The following PTPRD variants were observed in gnomAD, a reference collection of about 807,000 sequenced individuals.
PTPRD encodes protein tyrosine phosphatase receptor type D.
In PTPRD, 34 loss-of-function variants were observed where a neutral mutation model predicts 214.5. The ratio of observed to expected loss-of-function variants is 0.16; its 90% CI spans 0.12 to 0.21. PTPRD has a LOEUF of 0.21. Among genes scored for constraint, PTPRD ranks in the 10% least tolerant of loss-of-function variants. The probability of loss-of-function intolerance (pLI) is 1.00; values close to 1 mark genes in which losing one functional copy is unlikely to be tolerated. For synonymous variants in PTPRD, 1,128 were observed against 845.7 expected, an observed-to-expected ratio of 1.33 and a Z score of -5.79; for missense variants, 2,545 against 2,398.7, an observed-to-expected ratio of 1.06 and a Z score of -1.27.
At chr9:10,087,165 AG>A (rs2098356619) in intron 3 of PTPRD, among the ~76,000 whole-genome samples, 1 of 151,178 alleles carries the variant, frequency 6.6e-6, no homozygotes, top group South Asian at 2.1e-4. Context: ...ACTGAAAAGT[AG>A]TATGTAATAT....
At chr9:9,226,032 C>T (rs2099959243) in intron 9 of PTPRD, among the ~76,000 whole-genome samples, 1 of 152,006 alleles carries the variant, frequency 6.6e-6, no homozygotes, top group African/African-American at 2.4e-5. Flanking sequence ...GATCCTATTG[C>T]ACATAAGAAA....
At chr9:8,366,964 C>T (rs533489937) in intron 39 of PTPRD, among the ~76,000 whole-genome samples, 1 of 152,302 alleles carries the variant, frequency 6.6e-6, no homozygotes, top group Non-Finnish European at 1.5e-5. Flanking sequence ...GAGTTAAACG[C>T]CTACGGCCTG....
At chr9:8,712,758 G>A (rs1021455847) in intron 12 of PTPRD, among the ~76,000 whole-genome samples, 8 of 152,078 alleles carry the variant, frequency 5.3e-5, no homozygotes, top group Non-Finnish European at 1.0e-4. Flanking sequence ...CCTCCTTGTT[G>A]CCCAGGCTGG....
chr9:10,264,601 C>A (rs953214982), intron 3 of PTPRD, among the ~76,000 whole-genome samples: 1 of 152,122 alleles, frequency 6.6e-6, no homozygotes, highest in Non-Finnish European at 1.5e-5. Context: ...TAGGAAGTAG[C>A]TAACTTGCTT....
intron 14 of PTPRD, among the ~76,000 whole-genome samples, chr9:8,608,121 C>CTTT (rs540724494): frequency 1.4e-3 from 198 of 140,196 alleles, no homozygotes; most frequent in African/African-American, 5.1e-3. Flanking sequence ...ATTTCTAAAC[C>CTTT]TTTTTTTTTT....
chr9:9,514,686 C>G (rs1421821057), intron 8 of PTPRD, among the ~76,000 whole-genome samples: 1 of 151,958 alleles, frequency 6.6e-6, no homozygotes, highest in Non-Finnish European at 1.5e-5. Context: ...AACTGACATC[C>G]TAAGTTTAAA....
chr9:8,823,040 T>C (rs529998696), intron 11 of PTPRD, among the ~76,000 whole-genome samples: 1 of 152,168 alleles, frequency 6.6e-6, no homozygotes. Flanking sequence ...ACAGAGGATC[T>C]AGTAAGACAT....
intron 9 of PTPRD, among the ~76,000 whole-genome samples, chr9:9,211,515 GCACACACACACACA>G (rs36213005): frequency 4.1e-4 from 59 of 143,654 alleles, no homozygotes; most frequent in Middle Eastern, 3.6e-3. Flanking sequence ...GTGTGCGCAC[GCACACACACACACA>G]CACACACACA....
chr9:9,587,409 A>G (rs1250157125), intron 7 of PTPRD, among the ~76,000 whole-genome samples: 1 of 152,064 alleles, frequency 6.6e-6, no homozygotes, highest in Non-Finnish European at 1.5e-5. Context: ...CAATGAAACT[A>G]CTTGCCCATG....
Position 9,751,109 on chromosome 9 carries a change from C to T in PTPRD, c.-326+15701G>A, listed in dbSNP as rs145490243. On this transcript the variant is annotated intron_variant, in intron 6 of 45. Coordinates refer to ENST00000381196, the MANE Select transcript of PTPRD (RefSeq NM_002839.4). ...GATTCTAAACATGCACACTCTTATC[C>T]ACACAATAAAACAAACAGAAAATTG... is the stretch of plus-strand genomic sequence containing the variant. Among the ~76,000 whole-genome samples the T allele has an allele frequency of 9.3e-3, 1,413 of 152,154 alleles. 10 individuals are homozygous for T. Among genetic ancestry groups the T allele is most frequent in the Non-Finnish European group, 0.013 (903 of 67,992 alleles).
chr9:8,638,420 A>G (rs2096495064), intron 12 of PTPRD, among the ~76,000 whole-genome samples: 2 of 152,306 alleles, frequency 1.3e-5, no homozygotes, highest in South Asian at 4.1e-4. Context: ...ACCAATACAT[A>G]TATGGATAAT....
At chr9:9,628,103 C>T (rs1431448722) in intron 7 of PTPRD, among the ~76,000 whole-genome samples, 1 of 152,068 alleles carries the variant, frequency 6.6e-6, no homozygotes, top group Non-Finnish European at 1.5e-5. Context: ...CACAGATTTG[C>T]CTTCTAAAAT....
At chr9:10,190,155 T>A (rs2099356238) in intron 3 of PTPRD, among the ~76,000 whole-genome samples, 2 of 150,750 alleles carry the variant, frequency 1.3e-5, no homozygotes, top group Admixed American at 1.3e-4. Context: ...TCACCTGAGG[T>A]CAGGAGTTCG....
intron 2 of PTPRD, among the ~76,000 whole-genome samples, chr9:10,434,448 T>C (rs2098703910): frequency 6.6e-6 from 1 of 151,966 alleles, no homozygotes; most frequent in Non-Finnish European, 1.5e-5. Flanking sequence ...TTATCATTGG[T>C]TTGCTTTGCT....
At chr9:9,611,390 C>T (rs2094504717) in intron 7 of PTPRD, among the ~76,000 whole-genome samples, 1 of 151,798 alleles carries the variant, frequency 6.6e-6, no homozygotes, top group Non-Finnish European at 1.5e-5. Flanking sequence ...TCAAATTTTG[C>T]AAGAAAAATA....
At chr9:9,887,643 T>G (rs1259023840) in intron 5 of PTPRD, among the ~76,000 whole-genome samples, 1 of 152,108 alleles carries the variant, frequency 6.6e-6, no homozygotes. Context: ...AGTCAACTGG[T>G]TGCATGAGGC....
chr9:9,171,761 G>A (rs1189879268), intron 10 of PTPRD, among the ~76,000 whole-genome samples: 2 of 151,984 alleles, frequency 1.3e-5, no homozygotes, highest in Admixed American at 1.3e-4. Flanking sequence ...ATCCTTAGCA[G>A]AAGCAATTAT....
intron 14 of PTPRD, among the ~76,000 whole-genome samples, chr9:8,596,562 C>G (rs1310473964): frequency 1.3e-5 from 2 of 151,924 alleles, no homozygotes; most frequent in Non-Finnish European, 2.9e-5. Context: ...AAAGAAAAGT[C>G]CAGTTATTTT....
chr9:9,272,814 C>A (rs1943472952), intron 9 of PTPRD, among the ~76,000 whole-genome samples: 1 of 151,214 alleles, frequency 6.6e-6, no homozygotes, highest in African/African-American at 2.4e-5. Context: ...GCCATGTTCT[C>A]CAAACTCTGT....
Sources: allele counts gnomAD v4.1 joint callset (sites outside exome capture counted in the v4.1 genomes callset), GRCh38; gene constraint gnomAD v4.1.1; transcripts MANE v1.5; gene names NCBI Gene and HGNC (gene_info 2026-07-23, HGNC 2026-07-21).